PTPRD: variants seen among roughly 807,000 people sequenced by gnomAD.
The protein encoded by PTPRD is receptor-type tyrosine-protein phosphatase delta.
In PTPRD, 34 loss-of-function variants were observed where a neutral mutation model predicts 214.5. The observed-to-expected ratio is 0.16, with a 90% confidence interval of 0.12 to 0.21. PTPRD has a LOEUF of 0.21. PTPRD is among the 10% of genes least tolerant of loss of function. PTPRD has a pLI of 1.00. For missense variants in PTPRD, 2,545 were observed against 2,398.7 expected (o/e 1.06, Z -1.27); for synonymous variants, 1,128 against 845.7 (o/e 1.33, Z -5.79).
intron 3 of PTPRD, among the ~76,000 whole-genome samples, chr9:10,055,145 C>A (rs908819983): frequency 2.0e-5 from 3 of 152,074 alleles, no homozygotes; most frequent in African/African-American, 4.8e-5. Context: ...TGACTTTCCA[C>A]CCTCCAGACC....
chr9:8,327,243 G>A (rs1305619239), intron 44 of PTPRD, among the ~76,000 whole-genome samples: 5 of 151,532 alleles, frequency 3.3e-5, no homozygotes, highest in African/African-American at 1.2e-4. Context: ...TGTTCTCATT[G>A]GCTTCAAAGA....
At chr9:9,430,482 G>A (rs928033993) in intron 8 of PTPRD, among the ~76,000 whole-genome samples, 17 of 151,976 alleles carry the variant, frequency 1.1e-4, no homozygotes, top group African/African-American at 4.1e-4. Flanking sequence ...ACTGCCCAAA[G>A]TAATTTATAG....
chr9:9,596,947 T>C (rs1283446962), intron 7 of PTPRD, among the ~76,000 whole-genome samples: 1 of 152,032 alleles, frequency 6.6e-6, no homozygotes, highest in Non-Finnish European at 1.5e-5. Context: ...GAAAGGATTA[T>C]TCTGCCCCAA....
At chr9:9,624,894 C>T (rs894327720) in intron 7 of PTPRD, among the ~76,000 whole-genome samples, 1 of 151,448 alleles carries the variant, frequency 6.6e-6, no homozygotes, top group Non-Finnish European at 1.5e-5. Context: ...TGGTTACCAG[C>T]AGTGTGGCCT....
At chr9:8,736,034 T>C (rs1204673678) in intron 11 of PTPRD, among the ~76,000 whole-genome samples, 3 of 152,292 alleles carry the variant, frequency 2.0e-5, no homozygotes, top group African/African-American at 4.8e-5. Flanking sequence ...TTTAATGTTT[T>C]AGAGCAGAGG....
intron 8 of PTPRD, among the ~76,000 whole-genome samples, chr9:9,540,840 T>C (rs1287444938): frequency 6.6e-6 from 1 of 151,736 alleles, no homozygotes; most frequent in Admixed American, 6.6e-5. Flanking sequence ...AAGTATGAAA[T>C]ATAAGTAGTG....
At chr9:8,568,469 A>C (rs923565384) in intron 14 of PTPRD, among the ~76,000 whole-genome samples, 49 of 152,190 alleles carry the variant, frequency 3.2e-4, no homozygotes, top group African/African-American at 1.2e-3. Flanking sequence ...TTGGTAATTA[A>C]GCTGCTAGAG....
At chr9:10,060,897 C>CTTCCT (rs1555531626) in intron 3 of PTPRD, among the ~76,000 whole-genome samples, 7 of 70,560 alleles carry the variant, frequency 9.9e-5, no homozygotes, top group Admixed American at 1.4e-4. Flanking sequence ...TCCTTCCTTC[C>CTTCCT]TTCTTTCTTT....
intron 14 of PTPRD, among the ~76,000 whole-genome samples, chr9:8,614,860 AT>A (rs2095559426): frequency 6.6e-6 from 1 of 152,090 alleles, no homozygotes; most frequent in African/African-American, 2.4e-5. Context: ...ACAAAAAGTA[AT>A]CTACATATGG....
chr9:8,479,504 T>C (rs970499306), intron 30 of PTPRD, among the ~76,000 whole-genome samples: 1 of 152,116 alleles, frequency 6.6e-6, no homozygotes, highest in African/African-American at 2.4e-5. Flanking sequence ...CCTTTTCAAA[T>C]ATAGAAGCGG....
chr9:8,706,635 TG>T (rs1446323520), intron 12 of PTPRD, among the ~76,000 whole-genome samples: 1 of 152,198 alleles, frequency 6.6e-6, no homozygotes, highest in Non-Finnish European at 1.5e-5. Flanking sequence ...GGAGCAGAGA[TG>T]CGTGAGCATA....
chr9:9,930,255 T>A (rs553640237), intron 5 of PTPRD, among the ~76,000 whole-genome samples: 28 of 152,204 alleles, frequency 1.8e-4, no homozygotes, highest in South Asian at 1.5e-3. Flanking sequence ...TGCCTTTGGT[T>A]AGAGTCACAG....
chr9:10,520,373 G>T (rs2051758346), intron 2 of PTPRD, among the ~76,000 whole-genome samples: 1 of 152,144 alleles, frequency 6.6e-6, no homozygotes. Flanking sequence ...ACTAAGAAAG[G>T]TGATGAAGCT....
At chr9:9,063,742 C>T (rs2099714202) in intron 10 of PTPRD, among the ~76,000 whole-genome samples, 1 of 152,124 alleles carries the variant, frequency 6.6e-6, no homozygotes, top group African/African-American at 2.4e-5. Flanking sequence ...TTAATGAACA[C>T]TAGTATGCGG....
At chr9:10,086,486 A>G (rs149226782) in intron 3 of PTPRD, among the ~76,000 whole-genome samples, 21 of 151,848 alleles carry the variant, frequency 1.4e-4, no homozygotes, top group Admixed American at 7.2e-4. Context: ...AAGCGAATCT[A>G]TTTCACATTA....
At chr9:8,389,527 T>A in intron 36 of PTPRD, 120 bp from the exon 37 acceptor site, 2 of 673,136 alleles carry the variant, frequency 3.0e-6, no homozygotes. Flanking sequence ...AGTCACAATA[T>A]ATTGAAGGTC....
chr9:9,778,561 T>C (rs567370585), intron 5 of PTPRD, among the ~76,000 whole-genome samples: 6 of 152,264 alleles, frequency 3.9e-5, no homozygotes, highest in African/African-American at 7.2e-5. Flanking sequence ...CTAAGGCATG[T>C]CTGTTTTGTA....
chr9:9,246,319 AC>A (rs2099973045), intron 9 of PTPRD, among the ~76,000 whole-genome samples: 1 of 152,032 alleles, frequency 6.6e-6, no homozygotes, highest in Non-Finnish European at 1.5e-5. Flanking sequence ...TTAAAACTGA[AC>A]TTTTCCTGCA....
chr9:8,595,190 T>C (rs1394541620), intron 14 of PTPRD, among the ~76,000 whole-genome samples: 9 of 148,768 alleles, frequency 6.0e-5, no homozygotes, highest in Admixed American at 5.4e-4. Flanking sequence ...TTTTTTTTTA[T>C]GGCAAATTAA....
Sources: gnomAD v4.1 joint callset for allele counts (sites outside exome capture counted in the v4.1 genomes callset) on GRCh38, gnomAD v4.1.1 for gene constraint, MANE v1.5 for transcripts, NCBI Gene and HGNC (gene_info 2026-07-23, HGNC 2026-07-21) for gene names.